Variants in CSMD1 observed in about 807,000 individuals in gnomAD.
The protein encoded by CSMD1 is CUB and sushi domain-containing protein 1.
A neutral mutation model predicts 417.5 loss-of-function variants in CSMD1; 213 were observed. That is an observed-to-expected ratio of 0.51 (90% confidence interval 0.46 to 0.57). CSMD1 has a LOEUF of 0.57. Ranked by LOEUF, CSMD1 falls within the 20% of genes least tolerant of loss-of-function variation. The probability of loss-of-function intolerance (pLI) is 0.00; values close to 1 mark genes in which losing one functional copy is unlikely to be tolerated. For synonymous variants in CSMD1, 2,862 were observed against 1,736.8 expected (o/e 1.65, Z -16.11); for missense variants, 6,923 against 4,529.7 (o/e 1.53, Z -15.17).
intron 1 of CSMD1, among the ~76,000 whole-genome samples, chr8:4,970,645 A>G (rs1289658158): frequency 6.6e-6 from 1 of 152,152 alleles, no homozygotes; most frequent in Non-Finnish European, 1.5e-5. Flanking sequence ...ACTTAAACAC[A>G]TCATAAAAAC....
chr8:4,431,689 A>C (rs1490415837), intron 2 of CSMD1, among the ~76,000 whole-genome samples: 1 of 152,200 alleles, frequency 6.6e-6, no homozygotes. Flanking sequence ...AAACAAAAGA[A>C]TCCTAAATCC....
chr8:2,997,378 G>A lies in CSMD1; in HGVS notation c.8377+633C>T, dbSNP rs556657905. Among the ~76,000 whole-genome samples, 4 of 152,320 alleles carry A rather than the reference G, an allele frequency of 2.6e-5. No individual in the cohort carries two copies. In the East Asian group the frequency reaches 7.7e-4, roughly 29 times the overall value. On this transcript the variant is annotated intron_variant, in intron 54 of 69. Coordinates refer to ENST00000635120, the MANE Select transcript of CSMD1 (RefSeq NM_033225.6). ...CCCGTGGGAGCCCTAGGATAAGAGA[G>A]GTTCTTGTCAGAGAAAGAGACATTG...
At chr8:3,715,605 C>G (rs537213286) in intron 6 of CSMD1, among the ~76,000 whole-genome samples, 1 of 152,276 alleles carries the variant, frequency 6.6e-6, no homozygotes, top group South Asian at 2.1e-4. Flanking sequence ...TGCAGTGACA[C>G]AATCTGGACT....
At chr8:4,382,549 CCT>C (rs1803170480) in intron 3 of CSMD1, among the ~76,000 whole-genome samples, 1 of 152,104 alleles carries the variant, frequency 6.6e-6, no homozygotes, top group African/African-American at 2.4e-5. Context: ...TATAAAAAAC[CCT>C]CTGAGTATAA....
At chr8:4,455,682 G>C (rs576060522) in intron 2 of CSMD1, among the ~76,000 whole-genome samples, 1 of 151,826 alleles carries the variant, frequency 6.6e-6, no homozygotes. Context: ...TGTAATCTCA[G>C]CACTTTGGGA....
intron 3 of CSMD1, among the ~76,000 whole-genome samples, chr8:4,135,141 C>A (rs1358817205): frequency 1.3e-5 from 2 of 152,148 alleles, no homozygotes; most frequent in African/African-American, 2.4e-5. Flanking sequence ...AAAATATTGT[C>A]ATATTCTGGT....
chr8:4,014,412 T>A (rs1585133787), intron 4 of CSMD1, among the ~76,000 whole-genome samples: 1 of 152,190 alleles, frequency 6.6e-6, no homozygotes, highest in Admixed American at 6.5e-5. Flanking sequence ...TTAACACTAA[T>A]CTTCTCCAGG....
At chr8:4,952,444 G>C (rs982854172) in intron 1 of CSMD1, among the ~76,000 whole-genome samples, 3 of 151,958 alleles carry the variant, frequency 2.0e-5, no homozygotes, top group Non-Finnish European at 4.4e-5. Context: ...ATACTTACTG[G>C]ATTTCAATTA....
intron 4 of CSMD1, among the ~76,000 whole-genome samples, chr8:4,026,900 C>A (rs542183665): frequency 6.6e-6 from 1 of 151,618 alleles, no homozygotes; most frequent in East Asian, 1.9e-4. Flanking sequence ...TGCTGCTGAG[C>A]GAATTCTTTA....
At chr8:3,162,600 G>C (rs542252356) in intron 37 of CSMD1, among the ~76,000 whole-genome samples, 30 of 151,476 alleles carry the variant, frequency 2.0e-4, no homozygotes, top group African/African-American at 6.8e-4. Flanking sequence ...TTCAAAAATT[G>C]TGTTTTTATG....
intron 1 of CSMD1, among the ~76,000 whole-genome samples, chr8:4,992,600 A>G (rs577015137): frequency 6.6e-6 from 1 of 152,224 alleles, no homozygotes; most frequent in East Asian, 1.9e-4. Flanking sequence ...GCTGCGACAC[A>G]CACGCCCCAG....
intron 3 of CSMD1, among the ~76,000 whole-genome samples, chr8:4,102,679 G>A (rs139719776): frequency 6.6e-6 from 1 of 152,094 alleles, no homozygotes; most frequent in African/African-American, 2.4e-5. Flanking sequence ...CAATATTCAG[G>A]ACATTTACTG....
chr8:4,565,598 G>A (rs1280401849), intron 2 of CSMD1, among the ~76,000 whole-genome samples: 2 of 151,684 alleles, frequency 1.3e-5, no homozygotes, highest in South Asian at 4.2e-4. Context: ...AGCTGGGTGT[G>A]CTTACAGGCA....
intron 3 of CSMD1, among the ~76,000 whole-genome samples, chr8:4,087,506 T>A (rs1300080735): frequency 6.6e-6 from 1 of 152,220 alleles, no homozygotes; most frequent in African/African-American, 2.4e-5. Context: ...CCTATTATTT[T>A]TATCCTCTCT....
intron 7 of CSMD1, among the ~76,000 whole-genome samples, chr8:3,677,005 G>C (rs1253156084): frequency 6.6e-6 from 1 of 152,046 alleles, no homozygotes; most frequent in Non-Finnish European, 1.5e-5. Flanking sequence ...GCCTGTTGCG[G>C]GGTTGGGGGC....
intron 5 of CSMD1, among the ~76,000 whole-genome samples, chr8:3,942,396 A>C (rs1810942842): frequency 6.6e-6 from 1 of 152,102 alleles, no homozygotes; most frequent in African/African-American, 2.4e-5. Context: ...CTTTTCTCAA[A>C]GTGACACTGC....
chr8:4,377,225 A>G (rs901655019), intron 3 of CSMD1, among the ~76,000 whole-genome samples: 1 of 152,212 alleles, frequency 6.6e-6, no homozygotes, highest in Non-Finnish European at 1.5e-5. Flanking sequence ...AAAGAGGAAA[A>G]TAATTAACCG....
At chr8:3,091,120 A>C (rs2129008148) in intron 48 of CSMD1, among the ~76,000 whole-genome samples, 1 of 152,178 alleles carries the variant, frequency 6.6e-6, no homozygotes, top group Non-Finnish European at 1.5e-5. Flanking sequence ...ATAGATACAA[A>C]AACATAACTA....
intron 1 of CSMD1, among the ~76,000 whole-genome samples, chr8:4,961,737 G>C (rs1400734743): frequency 6.6e-6 from 1 of 151,910 alleles, no homozygotes; most frequent in Non-Finnish European, 1.5e-5. Context: ...ATTTTTCTGA[G>C]TTTCACAACA....
Sources: allele counts gnomAD v4.1 joint callset (sites outside exome capture counted in the v4.1 genomes callset), GRCh38; gene constraint gnomAD v4.1.1; transcripts MANE v1.5; gene names NCBI Gene and HGNC (gene_info 2026-07-23, HGNC 2026-07-21).